The following PHLPP2 variants were observed in gnomAD, a reference collection of about 807,000 sequenced individuals.
PHLPP2 encodes the protein PH domain and leucine rich repeat protein phosphatase 2.
Under a neutral mutation model 124.9 loss-of-function variants are expected in PHLPP2, and 66 were observed. The observed-to-expected ratio is 0.53, with a 90% CI of 0.43 to 0.65. PHLPP2 has a LOEUF of 0.65. Among genes scored for constraint, PHLPP2 ranks in the 30% least tolerant of loss-of-function variants. The probability of loss-of-function intolerance (pLI) is 0.00; values close to 1 mark genes in which losing one functional copy is unlikely to be tolerated. For synonymous variants in PHLPP2, 681 were observed against 624.7 expected (o/e 1.09, Z -1.34); for missense variants, 1,685 against 1,600.4 (o/e 1.05, Z -0.90).
chr16:71,653,762 C>G (rs1253695842), intron 17 of PHLPP2, among the ~76,000 whole-genome samples: 1 of 152,148 alleles, frequency 6.6e-6, no homozygotes, highest in Non-Finnish European at 1.5e-5. Flanking sequence ...TTTCCTAAAC[C>G]CTTTATTTTT....
chr16:71,723,679 C>A (rs1330152470), intron 1 of PHLPP2: 3 of 549,544 alleles, frequency 5.5e-6, no homozygotes, highest in East Asian at 8.8e-5. Context: ...GGGGCGGGGG[C>A]GGCAGCGGCC....
At chr16:71,690,434 T>G (rs1305412890) in intron 4 of PHLPP2, 85 bp downstream of exon 4, 4 of 939,320 alleles carry the variant, frequency 4.3e-6, no homozygotes, top group Admixed American at 4.4e-5. Flanking sequence ...TGAAAAGATA[T>G]GACTAAAAGC....
At chr16:71,660,826 C>T (rs1228577963) in intron 13 of PHLPP2, among the ~76,000 whole-genome samples, 1 of 152,114 alleles carries the variant, frequency 6.6e-6, no homozygotes, top group Non-Finnish European at 1.5e-5. Flanking sequence ...AATGCAGCCT[C>T]CTCAATCAGT....
chr16:71,704,126 T>C (rs1276748922), intron 2 of PHLPP2, among the ~76,000 whole-genome samples: 4 of 151,952 alleles, frequency 2.6e-5, no homozygotes, highest in South Asian at 2.1e-4. Flanking sequence ...ATGGCTAACA[T>C]GGTGAAACTC....
In PHLPP2 at chr16:71,667,230, G is replaced by T. The variant is rs774790063; in HGVS notation, c.1732C>A (p.Gln578Lys). 6 of 1,613,962 alleles carry T rather than the reference G, an allele frequency of 3.7e-6. No individual in the cohort carries two copies. The South Asian group carries it at 6.6e-5, about 18-fold the overall frequency. Residue 578 changes from glutamine to lysine, a missense_variant, in exon 12 of 19, where the codon CAG (glutamine) becomes AAG (lysine). By Grantham distance (53) the Gln-to-Lys change is moderately conservative. Transcript: ENST00000568954. The part of the protein sequence containing the change: ...EHIPLEVLDL[Q>K]HNALTRLPDT... ...GGCAGCCTCGTGAGTGCATTATGCT[G>T]AAGATCCAGCACCTCGAGGGGGATG...
intron 15 of PHLPP2, among the ~76,000 whole-genome samples, chr16:71,656,940 C>T (rs2145310096): frequency 6.7e-6 from 1 of 150,362 alleles, no homozygotes; most frequent in African/African-American, 2.4e-5. Context: ...TTATTTTATT[C>T]TATTTTATTT....
At chr16:71,723,706 C>A in intron 1 of PHLPP2, 2 of 774,266 alleles carry the variant, frequency 2.6e-6, no homozygotes, top group South Asian at 4.5e-5. Flanking sequence ...CTCCCTCGTT[C>A]CCTCCCTAGT....
chr16:71,712,089 G>A (rs1028332988), intron 2 of PHLPP2, among the ~76,000 whole-genome samples: 2 of 152,174 alleles, frequency 1.3e-5, no homozygotes, highest in African/African-American at 2.4e-5. Context: ...TAAAAGCAAC[G>A]ATACTACCTC....
intron 1 of PHLPP2, chr16:71,723,484 C>G (rs9934715): frequency 0.85 from 133,597 of 156,532 alleles, 57,211 homozygotes; most frequent in East Asian, 0.99. Context: ...GGCGGCTACC[C>G]GCAGCCCAAA....
At position 71,650,025 on chromosome 16, in the gene PHLPP2, AC is replaced by A. The variant is rs2044685477; in HGVS notation, c.2836del (p.Val946Ter). 6.2e-7 allele frequency: 1 copy of A among 1,607,186 alleles called. No homozygotes were observed. The highest frequency in any genetic ancestry group is 1.3e-5 in the African/African-American group (1 of 74,916). ...IITEDNKVNG[V>X]TCCTRMLGCT... is the part of the protein sequence containing the mutation. ...GCCCAGCATCCGGGTACAGCAGGTT[AC>A]CCCATTCACTTTGTTGTCCTACAGA... On this transcript the variant is annotated frameshift_variant, in exon 19 of 19. Coordinates refer to ENST00000568954, the MANE Select transcript of PHLPP2 (RefSeq NM_015020.3). LOFTEE classifies it high-confidence loss of function.
rs1230873293 is a variant in PHLPP2 at position 71,647,497 on chromosome 16, G to C, written c.*1393C>G. The C allele has an allele frequency of 6.6e-6, 1 of 152,358 alleles. No individual in the cohort carries two copies. The highest frequency in any genetic ancestry group is 6.5e-5 in the Admixed American group (1 of 15,276). 9.4% of individuals were successfully genotyped at this position (152,358 alleles called of 1,614,324 possible). ...TCTAGAGAACCATCCCTCTCCTCCA[G>C]CATAGGAGAAGGAACAAGTCTAACC... On this transcript the variant is annotated 3_prime_UTR_variant, in exon 19 of 19. Transcript: ENST00000568954.
intron 1 of PHLPP2, chr16:71,723,891 CG>C: frequency 1.0e-6 from 1 of 983,988 alleles, no homozygotes. Flanking sequence ...TTCACAGAGA[CG>C]CCCGGCCCGC....
chr16:71,702,530 G>T, intron 3 of PHLPP2, 68 bp downstream of exon 3: 1 of 1,292,534 alleles, frequency 7.7e-7, no homozygotes, highest in South Asian at 1.4e-5. Context: ...AAAAGCTGAC[G>T]GCAGATAAGA....
intron 1 of PHLPP2, chr16:71,723,711 C>A (rs2045413413): frequency 4.8e-6 from 4 of 837,592 alleles, no homozygotes; most frequent in Admixed American, 2.9e-5. Flanking sequence ...TCGTTCCCTC[C>A]CTAGTCCGCT....
intron 2 of PHLPP2, among the ~76,000 whole-genome samples, chr16:71,703,754 C>A (rs1419720588): frequency 1.3e-5 from 2 of 152,098 alleles, no homozygotes; most frequent in African/African-American, 4.8e-5. Context: ...AGCAACAATA[C>A]CTAACTCATA....
chr16:71,719,605 A>T (rs917153040), intron 1 of PHLPP2, among the ~76,000 whole-genome samples: 3 of 151,634 alleles, frequency 2.0e-5, no homozygotes, highest in African/African-American at 4.8e-5. Context: ...AACACCCAAA[A>T]CTATTCTTGA....
intron 5 of PHLPP2, among the ~76,000 whole-genome samples, chr16:71,683,076 C>T (rs1009795638): frequency 6.6e-6 from 1 of 151,882 alleles, no homozygotes; most frequent in Admixed American, 6.6e-5. Flanking sequence ...GAGGCTGAGG[C>T]AGGAGAACTG....
intron 13 of PHLPP2, among the ~76,000 whole-genome samples, chr16:71,661,364 C>A (rs1038626955): frequency 2.0e-5 from 3 of 152,116 alleles, no homozygotes; most frequent in African/African-American, 7.2e-5. Flanking sequence ...AGCCACCGTG[C>A]CAGGCCTAAT....
chr16:71,653,494 T>A (rs1005568221), intron 17 of PHLPP2, among the ~76,000 whole-genome samples: 2 of 152,084 alleles, frequency 1.3e-5, no homozygotes, highest in African/African-American at 4.8e-5. Context: ...CTCACTTAGG[T>A]TCTAAGTTCC....
Sources: gnomAD v4.1 joint callset for allele counts (sites outside exome capture counted in the v4.1 genomes callset) on GRCh38, gnomAD v4.1.1 for gene constraint, MANE v1.5 for transcripts, NCBI Gene and HGNC (gene_info 2026-07-23, HGNC 2026-07-21) for gene names.